PDGFRA: variants seen among roughly 807,000 people sequenced by gnomAD.
PDGFRA encodes the protein platelet-derived growth factor receptor alpha.
Under a neutral mutation model 121.5 loss-of-function variants are expected in PDGFRA, and 25 were observed. That is an observed-to-expected ratio of 0.21 (90% confidence interval 0.15 to 0.29). The LOEUF is 0.29. PDGFRA is among the 10% of genes least tolerant of loss of function. The probability of loss-of-function intolerance (pLI) is 1.00; values close to 1 mark genes in which losing one functional copy is unlikely to be tolerated. For synonymous variants in PDGFRA, 463 were observed against 494.8 expected (o/e 0.94, Z 0.85); for missense variants, 1,008 against 1,345.1 (o/e 0.75, Z 3.92).
intron 1 of PDGFRA, among the ~76,000 whole-genome samples, chr4:54,238,055 C>T (rs1246522846): frequency 6.6e-6 from 1 of 152,224 alleles, no homozygotes; most frequent in Non-Finnish European, 1.5e-5. Context: ...TTATTCTTCA[C>T]AAACACAGCA....
In PDGFRA at chr4:54,265,079, G is replaced by T. The variant is rs533400396; in HGVS notation, c.759+30G>T. On this transcript the variant is annotated intron_variant, in intron 5 of 22. Coordinates refer to ENST00000257290, the MANE Select transcript of PDGFRA (RefSeq NM_006206.6). ...GTACCCTCAAAACGTGCAATGGCTT[G>T]GAGCAGAGCAACAGGGCTCAGAAGA... is the stretch of plus-strand genomic sequence containing the variant. The T allele has an allele frequency of 3.7e-6, 6 of 1,611,650 alleles. No homozygotes were observed. In the African/African-American group the frequency reaches 8.0e-5, roughly 22 times the overall value.
intron 1 of PDGFRA, among the ~76,000 whole-genome samples, chr4:54,249,613 C>T (rs1430182375): frequency 4.6e-5 from 7 of 151,880 alleles, no homozygotes; most frequent in Non-Finnish European, 1.0e-4. Context: ...GGAAGGGGAA[C>T]ATCACACTCT....
intron 1 of PDGFRA, among the ~76,000 whole-genome samples, chr4:54,249,988 G>T (rs1041270834): frequency 1.7e-4 from 26 of 152,190 alleles, no homozygotes; most frequent in African/African-American, 5.5e-4. Flanking sequence ...GGGAAGATTT[G>T]TCTATAAAGT....
At chr4:54,254,508 T>G (rs11944066) in intron 1 of PDGFRA, among the ~76,000 whole-genome samples, 6,921 of 152,232 alleles carry the variant, frequency 0.045, 523 homozygotes, top group African/African-American at 0.16. Flanking sequence ...GTCTGGCCAG[T>G]GAAAAACACT....
intron 9 of PDGFRA, among the ~76,000 whole-genome samples, chr4:54,273,189 CT>C (rs1467798880): frequency 2.0e-5 from 3 of 152,054 alleles, no homozygotes; most frequent in Non-Finnish European, 4.4e-5. Context: ...GGCTCCAGGC[CT>C]TTTTGAAGGG....
At position 54,278,298 on chromosome 4, in the gene PDGFRA, A is replaced by G. The variant is rs893461575; in HGVS notation, c.2003-64A>G. Reference sequence around the variant, plus strand: ...TTTTCTGTGCCATATGGTCTGCAGGACAATTCATGGCTTTTCTGTTCTTCA... The same window carrying G: ...TTTTCTGTGCCATATGGTCTGCAGGGCAATTCATGGCTTTTCTGTTCTTCA... On this transcript the variant is annotated intron_variant, in intron 14 of 22. Coordinates refer to ENST00000257290, the MANE Select transcript of PDGFRA (RefSeq NM_006206.6). 11 of 1,351,838 alleles carry G rather than the reference A, an allele frequency of 8.1e-6. No homozygotes were observed. The Admixed American group carries it at 8.5e-5, about 10-fold the overall frequency. 83.7% of individuals were successfully genotyped at this position (1,351,838 alleles called of 1,614,324 possible).
chr4:54,281,542 C>T lies in PDGFRA; in HGVS notation c.2323+1060C>T, dbSNP rs546826529. On this transcript the variant is annotated intron_variant, in intron 16 of 22. Transcript: ENST00000257290. Reference sequence around the variant, plus strand: ...TTATCGGAACCAGTACTTCCTCTCCCCTCCCATATTGTTAAAAATAGTTTA... The same window carrying T: ...TTATCGGAACCAGTACTTCCTCTCCTCTCCCATATTGTTAAAAATAGTTTA... The T allele has an allele frequency of 3.8e-6, 5 of 1,302,770 alleles. No individual in the cohort carries two copies. The South Asian group carries it at 6.3e-5, about 16-fold the overall frequency. The allele number at this position is 1,302,770 out of a possible 1,614,324, so 80.7% of individuals were successfully genotyped here.
intron 22 of PDGFRA, among the ~76,000 whole-genome samples, chr4:54,292,988 T>C (rs1288946722): frequency 6.6e-6 from 1 of 152,194 alleles, no homozygotes; most frequent in African/African-American, 2.4e-5. Context: ...TGACATGTGA[T>C]TTATCCATGT....
rs1724314941 is a variant in PDGFRA, at chr4:54,285,575, C to T, written c.2439+89C>T. ...TGCTAGGAGATAGATGTTGGAAAGG[C>T]CATTAATAACAGGGGCCTCTTACTT... is the stretch of plus-strand genomic sequence containing the variant. On this transcript the variant is annotated intron_variant, in intron 17 of 22. Transcript: ENST00000257290. 5.2e-6 allele frequency: 4 copies of T among 770,096 alleles called. No individual in the cohort carries two copies. The Admixed American group carries it at 5.5e-5, about 11-fold the overall frequency. 47.7% of individuals were successfully genotyped at this position (770,096 alleles called of 1,614,324 possible).
chr4:54,246,483 A>G (rs994820010), intron 1 of PDGFRA, among the ~76,000 whole-genome samples: 1 of 152,208 alleles, frequency 6.6e-6, no homozygotes, highest in Non-Finnish European at 1.5e-5. Context: ...TACATAACGA[A>G]ATGAAGGCAG....
chr4:54,238,695 G>T (rs1024783872), intron 1 of PDGFRA, among the ~76,000 whole-genome samples: 1 of 152,208 alleles, frequency 6.6e-6, no homozygotes, highest in Non-Finnish European at 1.5e-5. Flanking sequence ...GCCAGGTTTG[G>T]TGGCTCATTC....
intron 7 of PDGFRA, 73 bp downstream of exon 7, chr4:54,267,814 TTACAACCCA>T: frequency 7.9e-7 from 1 of 1,259,590 alleles, no homozygotes; most frequent in East Asian, 2.4e-5. Flanking sequence ...TGTGTGTGTC[TTACAACCCA>T]GACCCAAAGT....
chr4:54,269,504 TAC>T (rs141245838), intron 7 of PDGFRA, among the ~76,000 whole-genome samples: 3,943 of 141,708 alleles, frequency 0.028, 118 homozygotes, highest in African/African-American at 0.076. Flanking sequence ...TGCACATACA[TAC>T]ACACACACAC....
chr4:54,259,889 C>T (rs370147182), intron 2 of PDGFRA, among the ~76,000 whole-genome samples: 6 of 152,132 alleles, frequency 3.9e-5, no homozygotes, highest in South Asian at 2.1e-4. Context: ...CTATCAGTCT[C>T]GGGTTTCTTG....
intron 1 of PDGFRA, among the ~76,000 whole-genome samples, chr4:54,242,965 G>A (rs1390059262): frequency 6.6e-6 from 1 of 152,150 alleles, no homozygotes; most frequent in African/African-American, 2.4e-5. Flanking sequence ...GGAACCTTTA[G>A]CATTGGTGTG....
intron 1 of PDGFRA, among the ~76,000 whole-genome samples, chr4:54,251,316 C>A (rs1722046248): frequency 6.6e-6 from 1 of 151,980 alleles, no homozygotes; most frequent in Admixed American, 6.6e-5. Context: ...AAAACTTTTC[C>A]TTTGGAAAGT....
intron 1 of PDGFRA, among the ~76,000 whole-genome samples, chr4:54,238,058 A>T (rs1018954369): frequency 6.6e-6 from 1 of 152,188 alleles, no homozygotes; most frequent in African/African-American, 2.4e-5. Context: ...TTCTTCACAA[A>T]CACAGCATGC....
At chr4:54,229,518 A>AG (rs1468311421) in intron 1 of PDGFRA, 103 bp downstream of exon 1, 1 of 390,482 alleles carries the variant, frequency 2.6e-6, no homozygotes, top group African/African-American at 2.1e-5. Context: ...GCGACAAGAA[A>AG]AAAAAAAAGG....
At chr4:54,248,870 G>A (rs922725308) in intron 1 of PDGFRA, among the ~76,000 whole-genome samples, 9 of 151,726 alleles carry the variant, frequency 5.9e-5, no homozygotes, top group Admixed American at 1.3e-4. Flanking sequence ...CAAATTTACA[G>A]GAAAAAAACA....
Sources: gnomAD v4.1 joint callset for allele counts (sites outside exome capture counted in the v4.1 genomes callset) on GRCh38, gnomAD v4.1.1 for gene constraint, MANE v1.5 for transcripts, NCBI Gene and HGNC (gene_info 2026-07-23, HGNC 2026-07-21) for gene names.